The following DPYD variants were observed in gnomAD, a reference collection of about 807,000 sequenced individuals.
DPYD encodes the protein dihydropyrimidine dehydrogenase [NADP(+)].
In DPYD, 109 loss-of-function variants were observed where a neutral mutation model predicts 116.2. The observed-to-expected ratio is 0.94, with a 90% CI of 0.80 to 1.10. The LOEUF (loss-of-function observed/expected upper bound fraction) is 1.10, where lower values mean the gene tolerates loss of function less well. Among genes scored for constraint, DPYD ranks in the 50% least tolerant of loss-of-function variants. The pLI is 0.00. For missense variants in DPYD, 1,302 were observed against 1,254.5 expected (o/e 1.04, Z -0.57); for synonymous variants, 440 against 432.0 (o/e 1.02, Z -0.23).
intron 10 of DPYD, among the ~76,000 whole-genome samples, chr1:97,580,595 C>T (rs1005003089): frequency 6.6e-6 from 1 of 152,144 alleles, no homozygotes; most frequent in African/African-American, 2.4e-5. Flanking sequence ...ATTTGCTTGA[C>T]CCAACTTTAG....
intron 16 of DPYD, among the ~76,000 whole-genome samples, chr1:97,318,204 T>A (rs1344074515): frequency 6.9e-6 from 1 of 144,972 alleles, no homozygotes; most frequent in African/African-American, 2.5e-5. Context: ...AACATCATAA[T>A]GACAGGATCA....
At chr1:97,157,350 C>G (rs1655547210) in intron 20 of DPYD, among the ~76,000 whole-genome samples, 1 of 152,130 alleles carries the variant, frequency 6.6e-6, no homozygotes, top group Non-Finnish European at 1.5e-5. Flanking sequence ...CACACATCAC[C>G]TTTTCTGCCC....
chr1:97,443,222 T>C (rs56339395), intron 14 of DPYD, among the ~76,000 whole-genome samples: 4,342 of 152,282 alleles, frequency 0.029, 106 homozygotes, highest in Non-Finnish European at 0.044. Context: ...TTTCCACTAC[T>C]ATTATGATAT....
At chr1:97,342,314 CT>C (rs1558042532) in intron 16 of DPYD, among the ~76,000 whole-genome samples, 3 of 152,012 alleles carry the variant, frequency 2.0e-5, no homozygotes, top group African/African-American at 7.2e-5. Flanking sequence ...CGAAGAACAA[CT>C]AATTTAATTT....
At chr1:97,137,561 C>A (rs1007977702) in intron 20 of DPYD, among the ~76,000 whole-genome samples, 20 of 152,188 alleles carry the variant, frequency 1.3e-4, no homozygotes, top group African/African-American at 4.6e-4. Context: ...TCTCTCATTG[C>A]GCTTCTCTGC....
At chr1:97,621,243 T>C (rs949520470) in intron 8 of DPYD, among the ~76,000 whole-genome samples, 1 of 152,186 alleles carries the variant, frequency 6.6e-6, no homozygotes, top group Non-Finnish European at 1.5e-5. Context: ...AATGGTGGTA[T>C]GAATTAATAA....
intron 12 of DPYD, among the ~76,000 whole-genome samples, chr1:97,526,596 T>C (rs1343435359): frequency 2.0e-5 from 3 of 152,218 alleles, no homozygotes; most frequent in East Asian, 3.9e-4. Flanking sequence ...GTTCTTTTCC[T>C]AGTTCCTAAT....
At chr1:97,419,383 G>A (rs1169077867) in intron 14 of DPYD, among the ~76,000 whole-genome samples, 2 of 151,976 alleles carry the variant, frequency 1.3e-5, no homozygotes, top group African/African-American at 2.4e-5. Context: ...CTGTAGTTCC[G>A]GTTATCCCCA....
intron 1 of DPYD, among the ~76,000 whole-genome samples, chr1:97,920,554 G>A (rs1021043143): frequency 2.6e-5 from 4 of 152,148 alleles, no homozygotes; most frequent in Admixed American, 2.6e-4. Flanking sequence ...ACCCCCTAGA[G>A]TCCACCTCTC....
rs968361586 is a variant in DPYD, at chr1:97,078,680, C to CA, written c.*295dup. The CA allele has an allele frequency of 5.1e-6, 2 of 391,700 alleles. No individual in the cohort carries two copies. Among genetic ancestry groups the CA allele is most frequent in the Non-Finnish European group, 9.6e-6 (2 of 208,158 alleles). 24.3% of individuals were successfully genotyped at this position (391,700 alleles called of 1,614,324 possible). Reference sequence around the variant, plus strand: ...TTGGAAACTGTCACACTAATTGCCACAAAAAAGTTAATTTTTCACATAAGA... The same window carrying CA: ...TTGGAAACTGTCACACTAATTGCCACAAAAAAAGTTAATTTTTCACATAAGA... On this transcript the variant is annotated 3_prime_UTR_variant, in exon 23 of 23. Coordinates refer to ENST00000370192, the MANE Select transcript of DPYD (RefSeq NM_000110.4).
intron 16 of DPYD, among the ~76,000 whole-genome samples, chr1:97,323,812 T>A (rs34215854): frequency 0.01 from 1,575 of 151,462 alleles, 28 homozygotes; most frequent in Middle Eastern, 0.045. Flanking sequence ...TTTGGCTGTC[T>A]GAAATTTGAC....
chr1:97,752,572 GCTGCAACAC>G, intron 3 of DPYD, among the ~76,000 whole-genome samples: 1 of 152,226 alleles, frequency 6.6e-6, no homozygotes, highest in Middle Eastern at 3.4e-3. Context: ...CACAGCTACA[GCTGCAACAC>G]CTGCCTGATG....
At chr1:97,528,699 T>C (rs966488657) in intron 12 of DPYD, among the ~76,000 whole-genome samples, 2 of 152,190 alleles carry the variant, frequency 1.3e-5, no homozygotes, top group African/African-American at 4.8e-5. Context: ...ATTTTTGATA[T>C]TTCTTCTCTC....
chr1:97,587,052 T>C (rs1273195427), intron 10 of DPYD, among the ~76,000 whole-genome samples: 1 of 152,240 alleles, frequency 6.6e-6, no homozygotes, highest in Admixed American at 6.5e-5. Context: ...ATACTCAGAC[T>C]AGAATGTAAA....
At chr1:97,502,303 T>C (rs1679627788) in intron 13 of DPYD, among the ~76,000 whole-genome samples, 1 of 152,058 alleles carries the variant, frequency 6.6e-6, no homozygotes, top group African/African-American at 2.4e-5. Flanking sequence ...AACTTTGCCA[T>C]TAGCAGCAAT....
intron 18 of DPYD, among the ~76,000 whole-genome samples, chr1:97,249,164 T>G (rs1255238252): frequency 6.6e-6 from 1 of 152,082 alleles, no homozygotes; most frequent in Non-Finnish European, 1.5e-5. Flanking sequence ...AGAAAATAAC[T>G]CAAGGACACG....
chr1:97,343,858 G>A (rs1669706841), intron 16 of DPYD, among the ~76,000 whole-genome samples: 1 of 151,938 alleles, frequency 6.6e-6, no homozygotes, highest in Non-Finnish European at 1.5e-5. Flanking sequence ...GCAATGCCAA[G>A]TTAAAAAAGT....
intron 20 of DPYD, among the ~76,000 whole-genome samples, chr1:97,152,892 T>C (rs1040655379): frequency 2.0e-5 from 3 of 152,118 alleles, no homozygotes; most frequent in Non-Finnish European, 4.4e-5. Flanking sequence ...CTGTCCTCAA[T>C]TTGAGTGTGT....
At chr1:97,627,518 C>T (rs1657001367) in intron 8 of DPYD, among the ~76,000 whole-genome samples, 1 of 152,028 alleles carries the variant, frequency 6.6e-6, no homozygotes, top group African/African-American at 2.4e-5. Context: ...CTCTGCAATT[C>T]CCCAGGTTTT....
Sources: gnomAD v4.1 joint callset for allele counts (sites outside exome capture counted in the v4.1 genomes callset) on GRCh38, gnomAD v4.1.1 for gene constraint, MANE v1.5 for transcripts, NCBI Gene and HGNC (gene_info 2026-07-23, HGNC 2026-07-21) for gene names.